TTC39B: variants seen among roughly 807,000 people sequenced by gnomAD.
TTC39B encodes tetratricopeptide repeat protein 39B.
TTC39B carries 92 observed loss-of-function variants against 96.6 expected under a neutral mutation model. That is an observed-to-expected ratio of 0.95 (90% confidence interval 0.80 to 1.13). The LOEUF (loss-of-function observed/expected upper bound fraction) is 1.13. TTC39B is among the 50% of genes most tolerant of loss of function. The probability of loss-of-function intolerance (pLI) is 0.00; values close to 1 mark genes in which losing one functional copy is unlikely to be tolerated. For missense variants in TTC39B, 955 were observed against 809.3 expected, an observed-to-expected ratio of 1.18 and a Z score of -2.18; for synonymous variants, 367 against 299.4, an observed-to-expected ratio of 1.23 and a Z score of -2.33.
intron 19 of TTC39B, among the ~76,000 whole-genome samples, chr9:15,173,837 G>A (rs1026458404): frequency 6.6e-6 from 1 of 152,030 alleles, no homozygotes; most frequent in African/African-American, 2.4e-5. Context: ...GTACCTAATA[G>A]CCATCTTAAA....
At chr9:15,276,721 A>C (rs750421229) in intron 1 of TTC39B, among the ~76,000 whole-genome samples, 15 of 152,198 alleles carry the variant, frequency 9.9e-5, no homozygotes, top group Non-Finnish European at 1.9e-4. Context: ...CTGGGACTGA[A>C]TCCTGGCTCC....
intron 2 of TTC39B, among the ~76,000 whole-genome samples, chr9:15,230,906 A>G (rs979581856): frequency 6.6e-6 from 1 of 151,320 alleles, no homozygotes; most frequent in African/African-American, 2.4e-5. Context: ...AATTGCTTGA[A>G]CCCGGGAGGC....
chr9:15,197,038 G>A (rs1287928060), intron 8 of TTC39B, among the ~76,000 whole-genome samples: 2 of 152,180 alleles, frequency 1.3e-5, no homozygotes, highest in African/African-American at 2.4e-5. Context: ...GCAAAAAAGT[G>A]TTTATCAATT....
chr9:15,261,910 C>A (rs1241217700), intron 2 of TTC39B, among the ~76,000 whole-genome samples: 1 of 152,132 alleles, frequency 6.6e-6, no homozygotes, highest in Non-Finnish European at 1.5e-5. Context: ...CATCAGAGCA[C>A]TAGAAGTGCA....
At chr9:15,203,072 C>G (rs547768056) in intron 7 of TTC39B, among the ~76,000 whole-genome samples, 1 of 152,156 alleles carries the variant, frequency 6.6e-6, no homozygotes, top group Non-Finnish European at 1.5e-5. Context: ...AGTATACATG[C>G]TATGCATGCA....
intron 8 of TTC39B, among the ~76,000 whole-genome samples, chr9:15,197,349 T>C (rs2131290714): frequency 6.6e-6 from 1 of 152,338 alleles, no homozygotes; most frequent in East Asian, 1.9e-4. Flanking sequence ...CAAAGAAATC[T>C]ATACAACAGC....
chr9:15,301,904 T>C (rs1470505175), intron 1 of TTC39B, among the ~76,000 whole-genome samples: 1 of 152,212 alleles, frequency 6.6e-6, no homozygotes, highest in East Asian at 1.9e-4. Flanking sequence ...ACATGTCACA[T>C]AAGCCATTTA....
intron 2 of TTC39B, among the ~76,000 whole-genome samples, chr9:15,228,222 G>C: frequency 6.6e-6 from 1 of 152,126 alleles, no homozygotes; most frequent in African/African-American, 2.4e-5. Context: ...CCAGCACTTT[G>C]GGAGGCTGAG....
chr9:15,251,807 CA>C (rs1470465682), intron 2 of TTC39B, among the ~76,000 whole-genome samples: 4 of 149,722 alleles, frequency 2.7e-5, no homozygotes, highest in African/African-American at 7.3e-5. Flanking sequence ...ACCCTTTTCA[CA>C]CAGAATTGTT....
At chr9:15,194,772 AT>A (rs1442679629) in intron 8 of TTC39B, among the ~76,000 whole-genome samples, 1 of 152,190 alleles carries the variant, frequency 6.6e-6, no homozygotes, top group African/African-American at 2.4e-5. Flanking sequence ...TATTACAGTA[AT>A]TGTTTCAGGG....
chr9:15,209,926 T>C (rs898444100), intron 6 of TTC39B, among the ~76,000 whole-genome samples, 162 bp downstream of exon 6: 2 of 152,176 alleles, frequency 1.3e-5, no homozygotes, highest in African/African-American at 4.8e-5. Context: ...CAGAAAAGGC[T>C]TCAAAATGAA....
intron 2 of TTC39B, among the ~76,000 whole-genome samples, chr9:15,257,404 G>A (rs1384188445): frequency 1.3e-5 from 2 of 152,040 alleles, no homozygotes; most frequent in East Asian, 1.9e-4. Flanking sequence ...ATAAGGTTTG[G>A]TTTACTATCC....
intron 1 of TTC39B, among the ~76,000 whole-genome samples, chr9:15,278,319 A>C (rs1823625292): frequency 6.6e-6 from 1 of 152,248 alleles, no homozygotes; most frequent in Non-Finnish European, 1.5e-5. Flanking sequence ...TATACAAAAA[A>C]TATGCATAGT....
chr9:15,294,046 T>C (rs894769816), intron 1 of TTC39B, among the ~76,000 whole-genome samples: 1 of 152,234 alleles, frequency 6.6e-6, no homozygotes, highest in African/African-American at 2.4e-5. Context: ...CATTGCTCAA[T>C]TGAACTCCTT....
intron 14 of TTC39B, 118 bp downstream of exon 14, chr9:15,187,853 G>T: frequency 6.5e-6 from 7 of 1,072,490 alleles, no homozygotes; most frequent in Non-Finnish European, 9.0e-6. Context: ...TCCTTTTGTG[G>T]ATCTCTAAGT....
chr9:15,244,490 A>G (rs1190785726), intron 2 of TTC39B, among the ~76,000 whole-genome samples: 3 of 152,234 alleles, frequency 2.0e-5, no homozygotes, highest in East Asian at 3.8e-4. Flanking sequence ...CAGAGATACC[A>G]CGAGGAAAGA....
At chr9:15,247,599 G>C (rs935318035) in intron 2 of TTC39B, among the ~76,000 whole-genome samples, 1 of 152,024 alleles carries the variant, frequency 6.6e-6, no homozygotes, top group Admixed American at 6.6e-5. Context: ...CCTCTTCTAG[G>C]GTGCATGTTT....
chr9:15,196,421 G>A (rs1302790561), intron 8 of TTC39B, among the ~76,000 whole-genome samples: 2 of 152,220 alleles, frequency 1.3e-5, no homozygotes, highest in Non-Finnish European at 2.9e-5. Context: ...ATGGAAGGAA[G>A]TCAAAATGTC....
At chr9:15,265,923 G>C (rs561057122) in intron 2 of TTC39B, among the ~76,000 whole-genome samples, 1 of 152,112 alleles carries the variant, frequency 6.6e-6, no homozygotes, top group Non-Finnish European at 1.5e-5. Flanking sequence ...CACCGAAAAC[G>C]AGAGTCTGAG....
Sources: gnomAD v4.1 joint callset for allele counts (sites outside exome capture counted in the v4.1 genomes callset) on GRCh38, gnomAD v4.1.1 for gene constraint, MANE v1.5 for transcripts, NCBI Gene and HGNC (gene_info 2026-07-23, HGNC 2026-07-21) for gene names.